The following BDKRB2 variants were observed in gnomAD, a reference collection of about 807,000 sequenced individuals.
BDKRB2 encodes the protein B2 bradykinin receptor.
Under a neutral mutation model 4.0 loss-of-function variants are expected in BDKRB2, and 6 were observed. The ratio of observed to expected loss-of-function variants is 1.49; its 90% CI spans 0.81 to 2.93. The LOEUF is 2.93. BDKRB2 is among the 30% of genes most tolerant of loss of function. BDKRB2 has a pLI of 0.00. For missense variants in BDKRB2, 478 were observed against 520.1 expected, an observed-to-expected ratio of 0.92 and a Z score of 0.79; for synonymous variants, 225 against 215.3, an observed-to-expected ratio of 1.05 and a Z score of -0.40.
intron 1 of BDKRB2, among the ~76,000 whole-genome samples, chr14:96,228,378 G>A (rs1397047083): frequency 6.6e-6 from 1 of 152,124 alleles, no homozygotes; most frequent in Non-Finnish European, 1.5e-5. Context: ...TCCTTGTCTG[G>A]CATCCAGGAA....
rs376218743 is a variant in BDKRB2 at position 96,235,696 on chromosome 14, T to G, written c.-39-1373T>G. ...GTCTGATCTCCACCTCCCAACTGAATTAGGGGAGCTGGGCTTCTGGAAACC... is the reference window on the plus strand; with the variant it reads ...GTCTGATCTCCACCTCCCAACTGAAGTAGGGGAGCTGGGCTTCTGGAAACC... On this transcript the variant is annotated intron_variant, in intron 1 of 2. Transcript: ENST00000554311. Among the ~76,000 whole-genome samples the G allele has an allele frequency of 4.6e-5, 7 of 152,238 alleles. No individual in the cohort carries two copies. The East Asian group carries it at 9.6e-4, about 21-fold the overall frequency.
intron 1 of BDKRB2, among the ~76,000 whole-genome samples, chr14:96,222,511 C>T (rs1179557914): frequency 6.6e-6 from 1 of 151,984 alleles, no homozygotes; most frequent in Non-Finnish European, 1.5e-5. Flanking sequence ...AAAGATGTGC[C>T]TATCATCTAG....
intron 1 of BDKRB2, among the ~76,000 whole-genome samples, chr14:96,211,984 A>T (rs542984810): frequency 2.1e-4 from 32 of 152,298 alleles, no homozygotes; most frequent in African/African-American, 6.7e-4. Flanking sequence ...AGGCGTCCTT[A>T]TACATGGATA....
rs189444744 is a variant in BDKRB2 at position 96,243,086 on chromosome 14, C to T, written c.*1582C>T. ...GGGCTAGAACCTAGAGAAGCTAAAA[C>T]CTGAGCTAGAAGCTGGAGGACTAGA... On this transcript the variant is annotated 3_prime_UTR_variant, in exon 3 of 3. Transcript: ENST00000554311. 7.0e-6 allele frequency: 1 copy of T among 143,752 alleles called. No individual in the cohort carries two copies. The highest frequency in any genetic ancestry group is 2.7e-5 in the African/African-American group (1 of 36,756). 8.9% of individuals were successfully genotyped at this position (143,752 alleles called of 1,614,324 possible).
chr14:96,232,874 G>A (rs1890849544), intron 1 of BDKRB2, among the ~76,000 whole-genome samples: 1 of 152,210 alleles, frequency 6.6e-6, no homozygotes, highest in South Asian at 2.1e-4. Flanking sequence ...GACATCCGAA[G>A]GAAAAATATC....
At position 96,243,732 on chromosome 14, in the gene BDKRB2, C is replaced by T. The variant is rs1400740324; in HGVS notation, c.*2228C>T. ...ACCCACTCTTTTTTCCCACCACCCA[C>T]TCTCCTCTGCCTCAGTAAGTATCTG... On this transcript the variant is annotated 3_prime_UTR_variant, in exon 3 of 3. Coordinates refer to ENST00000554311, the MANE Select transcript of BDKRB2 (RefSeq NM_001379692.1). 1 of 154,878 alleles carries T rather than the reference C, an allele frequency of 6.5e-6. No homozygotes were observed. The highest frequency in any genetic ancestry group is 2.4e-5 in the African/African-American group (1 of 41,542). The allele number at this position is 154,878 out of a possible 1,614,324, so 9.6% of individuals were successfully genotyped here. A position where few individuals can be genotyped will look rare whatever the true frequency, so the allele number is the denominator to read the frequency against.
intron 1 of BDKRB2, among the ~76,000 whole-genome samples, chr14:96,232,015 G>A (rs562019099): frequency 1.5e-4 from 23 of 152,264 alleles, no homozygotes; most frequent in African/African-American, 4.1e-4. Flanking sequence ...CTCTCCATCC[G>A]GCTGTGTAAT....
rs562069959 is a variant in BDKRB2, at chr14:96,228,132, C to T, written c.-39-8937C>T. ...TCCCTGGACCCCTTCTTGGGACTTG[C>T]GGTGACAGGGGTGTGGCTCACTTGC... On this transcript the variant is annotated intron_variant, in intron 1 of 2. Transcript: ENST00000554311. Among the ~76,000 whole-genome samples, 19 of 149,794 alleles carry T rather than the reference C, an allele frequency of 1.3e-4. No individual in the cohort carries two copies. The East Asian group carries it at 2.5e-3, about 20-fold the overall frequency.
Position 96,240,877 on chromosome 14 carries a change from G to T in BDKRB2, c.549G>T (p.Gly183=). Residue 183 remains glycine (G), a synonymous_variant, in exon 3 of 3, where the codon GGG becomes GGT. Transcript: ENST00000554311. ...WAKLYSLVIW[G]CTLLLSSPML... ...AGCTCTACAGCTTGGTGATCTGGGG[G>T]TGTACGCTGCTCCTGAGCTCACCCA... is the stretch of plus-strand genomic sequence containing the variant. The T allele has an allele frequency of 1.9e-6, 3 of 1,590,722 alleles. No individual in the cohort carries two copies. Among genetic ancestry groups the T allele is most frequent in the South Asian group, 1.2e-5 (1 of 85,450 alleles).
Position 96,241,569 on chromosome 14 carries a change from G to A in BDKRB2, c.*65G>A. On this transcript the variant is annotated 3_prime_UTR_variant, in exon 3 of 3. Transcript: ENST00000554311. Reference sequence around the variant, plus strand: ...TGAGGGACAGTTGCTTTTCAGCATGGGCCCAGGAATGCCAAGGAGACATCT... The same window carrying A: ...TGAGGGACAGTTGCTTTTCAGCATGAGCCCAGGAATGCCAAGGAGACATCT... The A allele has an allele frequency of 6.7e-7, 1 of 1,489,572 alleles. No homozygotes were observed. The highest frequency in any genetic ancestry group is 8.9e-7 in the Non-Finnish European group (1 of 1,127,162). 92.3% of individuals were successfully genotyped at this position (1,489,572 alleles called of 1,614,324 possible).
intron 2 of BDKRB2, 138 bp downstream of exon 2, chr14:96,237,319 C>T: frequency 1.3e-6 from 1 of 792,996 alleles, no homozygotes; most frequent in Non-Finnish European, 2.0e-6. Flanking sequence ...GACAAAACCT[C>T]TCAGGTGTCC....
chr14:96,236,865 A>G (rs1352388962), intron 1 of BDKRB2, among the ~76,000 whole-genome samples: 1 of 152,142 alleles, frequency 6.6e-6, no homozygotes, highest in African/African-American at 2.4e-5. Flanking sequence ...TGCAGTTATT[A>G]AGTGACTGAG....
intron 1 of BDKRB2, chr14:96,223,329 C>G: frequency 1.9e-6 from 2 of 1,037,810 alleles, no homozygotes; most frequent in Non-Finnish European, 3.0e-6. Flanking sequence ...GCCCACCACC[C>G]AAGAAGCCAA....
Position 96,237,156 on chromosome 14 carries a change from T to C in BDKRB2, c.49T>C (p.Ser17Pro). Residue 17 changes from serine (S) to proline (P), a missense_variant, in exon 2 of 3, where the codon TCC (serine) becomes CCC (proline). Ser to Pro is a moderately conservative substitution (Grantham distance 74). Transcript: ENST00000554311. ...AATGTTTCTGTCTGTTCGTGAGGAC[T>C]CCGTGCCCACCACGGCCTCTTTCAG... is the stretch of plus-strand genomic sequence containing the variant. Reference protein sequence around the residue: ...ISMFLSVREDSVPTTASFSAD... With the variant: ...ISMFLSVREDPVPTTASFSAD... 6.2e-7 allele frequency: 1 copy of C among 1,614,078 alleles called. No individual in the cohort carries two copies. The highest frequency in any genetic ancestry group is 8.5e-7 in the Non-Finnish European group (1 of 1,179,892).
At chr14:96,217,958 C>G (rs1890465298) in intron 1 of BDKRB2, among the ~76,000 whole-genome samples, 1 of 152,106 alleles carries the variant, frequency 6.6e-6, no homozygotes, top group Admixed American at 6.5e-5. Flanking sequence ...TGCAGAGTCA[C>G]CCAGGTCCCC....
chr14:96,216,339 G>T (rs561887266), intron 1 of BDKRB2, among the ~76,000 whole-genome samples: 2 of 151,986 alleles, frequency 1.3e-5, no homozygotes, highest in African/African-American at 4.8e-5. Context: ...CCACCTCCCC[G>T]CAAGAAGTAG....
chr14:96,227,628 C>T (rs1890728348), intron 1 of BDKRB2, among the ~76,000 whole-genome samples: 1 of 151,762 alleles, frequency 6.6e-6, no homozygotes. Context: ...AACACACACA[C>T]ATATATACAC....
At chr14:96,209,672 CTCAG>C (rs1181412190) in intron 1 of BDKRB2, among the ~76,000 whole-genome samples, 2 of 152,216 alleles carry the variant, frequency 1.3e-5, no homozygotes, top group African/African-American at 4.8e-5. Context: ...TCACCTGGTG[CTCAG>C]TCAATCTGCA....
chr14:96,231,918 G>A (rs1566693787), intron 1 of BDKRB2, among the ~76,000 whole-genome samples: 2 of 152,192 alleles, frequency 1.3e-5, no homozygotes, highest in Non-Finnish European at 2.9e-5. Context: ...AGGGAGAACA[G>A]CCGCCCTCTG....
Sources: gnomAD v4.1 joint callset for allele counts (sites outside exome capture counted in the v4.1 genomes callset) on GRCh38, gnomAD v4.1.1 for gene constraint, MANE v1.5 for transcripts, NCBI Gene and HGNC (gene_info 2026-07-23, HGNC 2026-07-21) for gene names.